GLG1: variants seen among roughly 807,000 people sequenced by gnomAD.
GLG1 encodes the protein golgi glycoprotein 1.
Under a neutral mutation model 160.5 loss-of-function variants are expected in GLG1, and 38 were observed. The observed-to-expected ratio is 0.24, with a 90% CI of 0.18 to 0.31. The LOEUF (loss-of-function observed/expected upper bound fraction) is 0.31. Among genes scored for constraint, GLG1 ranks in the 10% least tolerant of loss-of-function variants. The probability of loss-of-function intolerance (pLI) is 1.00; values close to 1 mark genes in which losing one functional copy is unlikely to be tolerated. For synonymous variants in GLG1, 644 were observed against 543.4 expected, an observed-to-expected ratio of 1.19 and a Z score of -2.57; for missense variants, 1,373 against 1,505.2, an observed-to-expected ratio of 0.91 and a Z score of 1.45.
chr16:74,452,510 C>A lies in GLG1; in HGVS notation c.*657G>T, dbSNP rs1383207184. On this transcript the variant is annotated 3_prime_UTR_variant, in exon 26 of 26. Coordinates refer to ENST00000422840, the MANE Select transcript of GLG1 (RefSeq NM_001145667.2). The stretch of plus-strand genomic sequence containing the variant: ...CCCATGGCTGTGGGGCTGTGACCAG[C>A]AGTGGCTGATTAGGGTGGAAACTGG... The A allele has an allele frequency of 7.8e-6, 8 of 1,022,712 alleles. No individual in the cohort carries two copies. The highest frequency in any genetic ancestry group is 9.4e-6 in the Non-Finnish European group (8 of 851,596). The allele number at this position is 1,022,712 out of a possible 1,614,324, so 63.4% of individuals were successfully genotyped here.
At chr16:74,569,267 A>T (rs1443987685) in intron 1 of GLG1, among the ~76,000 whole-genome samples, 1 of 152,262 alleles carries the variant, frequency 6.6e-6, no homozygotes, top group Non-Finnish European at 1.5e-5. Flanking sequence ...GAGTGGTCAG[A>T]ATTCCCTAGC....
At chr16:74,546,817 G>A (rs1371082316) in intron 1 of GLG1, among the ~76,000 whole-genome samples, 9 of 105,566 alleles carry the variant, frequency 8.5e-5, no homozygotes, top group Admixed American at 5.8e-4. Flanking sequence ...CATCCTGGGC[G>A]ACAGAGTGAG....
chr16:74,588,166 A>T (rs1958094636), intron 1 of GLG1, among the ~76,000 whole-genome samples: 1 of 152,172 alleles, frequency 6.6e-6, no homozygotes, highest in African/African-American at 2.4e-5. Flanking sequence ...TTTAACCTAC[A>T]TAAGATTAGA....
At chr16:74,518,788 A>C (rs923561516) in intron 2 of GLG1, among the ~76,000 whole-genome samples, 11 of 152,326 alleles carry the variant, frequency 7.2e-5, no homozygotes, top group African/African-American at 2.6e-4. Flanking sequence ...ACATTTTTGC[A>C]ATCTATCCAT....
chr16:74,567,425 CA>C (rs1282550191), intron 1 of GLG1, among the ~76,000 whole-genome samples: 1 of 151,996 alleles, frequency 6.6e-6, no homozygotes, highest in Non-Finnish European at 1.5e-5. Flanking sequence ...ATGATAGAAG[CA>C]AATACAAAAC....
intron 1 of GLG1, among the ~76,000 whole-genome samples, chr16:74,556,048 G>A (rs1012066267): frequency 6.6e-6 from 1 of 152,022 alleles, no homozygotes; most frequent in Non-Finnish European, 1.5e-5. Flanking sequence ...TATGTTGCCT[G>A]AGCTAGTCTC....
intron 25 of GLG1, 130 bp from the exon 26 acceptor site, chr16:74,453,464 A>C (rs1204141524): frequency 1.6e-6 from 1 of 624,966 alleles, no homozygotes; most frequent in Non-Finnish European, 2.8e-6. Context: ...GGCAGGAGAT[A>C]AGAAAAATCA....
chr16:74,575,953 C>T (rs886563058), intron 1 of GLG1, among the ~76,000 whole-genome samples: 1 of 152,142 alleles, frequency 6.6e-6, no homozygotes, highest in African/African-American at 2.4e-5. Flanking sequence ...GTAATCCCAG[C>T]ACTTTGGGAG....
intron 1 of GLG1, among the ~76,000 whole-genome samples, chr16:74,585,383 T>C (rs892306062): frequency 6.6e-6 from 1 of 152,130 alleles, no homozygotes; most frequent in East Asian, 1.9e-4. Flanking sequence ...CACTGCAGCC[T>C]GGGCAACAGA....
Position 74,452,117 on chromosome 16 carries a change from G to T in GLG1, c.*1050C>A, listed in dbSNP as rs532723662. Reference sequence around the variant, plus strand: ...TAAACCTTTATAAGCCATTGTCTCTGACCTGTATTGTAGCCTGAAAAATAA... The same window carrying T: ...TAAACCTTTATAAGCCATTGTCTCTTACCTGTATTGTAGCCTGAAAAATAA... On this transcript the variant is annotated 3_prime_UTR_variant, in exon 26 of 26. Coordinates refer to ENST00000422840, the MANE Select transcript of GLG1 (RefSeq NM_001145667.2). 6.2e-7 allele frequency: 1 copy of T among 1,613,942 alleles called. No individual in the cohort carries two copies. The highest frequency in any genetic ancestry group is 8.5e-7 in the Non-Finnish European group (1 of 1,179,874).
intron 1 of GLG1, among the ~76,000 whole-genome samples, chr16:74,591,557 G>T (rs1958185608): frequency 6.6e-6 from 1 of 152,024 alleles, no homozygotes; most frequent in Non-Finnish European, 1.5e-5. Flanking sequence ...GAACCCGGGA[G>T]GCGGAGCTTG....
rs765437522 is a variant in GLG1, at chr16:74,456,706, C to T, written c.3315G>A (p.Gln1105=). 1 of 1,611,878 alleles carries T rather than the reference C, an allele frequency of 6.2e-7. No homozygotes were observed. Among genetic ancestry groups the T allele is most frequent in the Non-Finnish European group, 8.5e-7 (1 of 1,179,078 alleles). Residue 1105 remains glutamine, a synonymous_variant, in exon 25 of 26, where the codon CAG becomes CAA. Coordinates refer to ENST00000422840, the MANE Select transcript of GLG1 (RefSeq NM_001145667.2). ...EALEDKRVRL[Q]PECKKRLNDR... is the part of the protein sequence containing the mutation. ...CATTGAGGCGCTTTTTGCACTCGGG[C>T]TGTAACCTCACCCGCTTATCCTCCA...
intron 6 of GLG1, among the ~76,000 whole-genome samples, chr16:74,494,390 G>C (rs971495428): frequency 5.0e-5 from 7 of 139,364 alleles, no homozygotes; most frequent in African/African-American, 1.8e-4. Flanking sequence ...TTGTTTCAGA[G>C]AAATTGAGAA....
intron 11 of GLG1, among the ~76,000 whole-genome samples, chr16:74,478,636 G>C (rs2015477736): frequency 6.6e-6 from 1 of 152,272 alleles, no homozygotes; most frequent in South Asian, 2.1e-4. Context: ...TTAAGACCAG[G>C]AGCGGTGGCT....
intron 10 of GLG1, among the ~76,000 whole-genome samples, chr16:74,481,119 A>G (rs1258948611): frequency 6.6e-6 from 1 of 152,214 alleles, no homozygotes; most frequent in Non-Finnish European, 1.5e-5. Context: ...CTAAGTAGGA[A>G]TGAAGTTCAA....
At position 74,450,526 on chromosome 16, in the gene GLG1, T is replaced by C. The variant is rs2014247842; in HGVS notation, c.*2641A>G. On this transcript the variant is annotated 3_prime_UTR_variant, in exon 26 of 26. Coordinates refer to ENST00000422840, the MANE Select transcript of GLG1 (RefSeq NM_001145667.2). Reference sequence around the variant, plus strand: ...AAGTAATTGAAGATACTGGCAGAGCTAACTTTTCTATTCTGACCATTTATA... The same window carrying C: ...AAGTAATTGAAGATACTGGCAGAGCCAACTTTTCTATTCTGACCATTTATA... 6.6e-6 allele frequency: 1 copy of C among 152,232 alleles called. No homozygotes were observed. Among genetic ancestry groups the C allele is most frequent in the African/African-American group, 2.4e-5 (1 of 41,458 alleles). The allele number at this position is 152,232 out of a possible 1,614,324, so 9.4% of individuals were successfully genotyped here.
chr16:74,561,242 T>C (rs2143739420), intron 1 of GLG1, among the ~76,000 whole-genome samples: 1 of 152,352 alleles, frequency 6.6e-6, no homozygotes, highest in East Asian at 1.9e-4. Context: ...TATTGGCACC[T>C]AGGCCTGCAC....
intron 1 of GLG1, among the ~76,000 whole-genome samples, chr16:74,591,638 G>A (rs1460579245): frequency 1.3e-5 from 2 of 151,816 alleles, no homozygotes; most frequent in African/African-American, 4.8e-5. Context: ...GAAAAAAAAA[G>A]AAGACTTACA....
Position 74,470,045 on chromosome 16 carries a change from T to A in GLG1, c.2258A>T (p.Tyr753Phe), listed in dbSNP as rs770887358. 8.7e-6 allele frequency: 14 copies of A among 1,609,624 alleles called. No homozygotes were observed. The Admixed American group carries it at 2.2e-4, about 25-fold the overall frequency. Residue 753 changes from tyrosine (Y) to phenylalanine (F), a missense_variant, in exon 16 of 26, where the codon TAC becomes TTC. Tyr to Phe is a conservative substitution (Grantham distance 22). Around this residue, in one of 4 missense-constraint regions of GLG1, gnomAD observed 491 missense variants for 632.1 expected, o/e 0.78. Transcript: ENST00000422840. ...LVQMKDFRFSYKFKMACKEDV... is the reference protein window; with the variant it reads ...LVQMKDFRFSFKFKMACKEDV... ...CTCCTTGCAGGCCATTTTAAACTTG[T>A]AAGAAAACCGAAAATCCTTCATCTG... is the stretch of plus-strand genomic sequence containing the variant.
Sources: gnomAD v4.1 joint callset for allele counts (sites outside exome capture counted in the v4.1 genomes callset) on GRCh38, gnomAD v4.1.1 for gene constraint, gnomAD v4.1.1 regional missense constraint, MANE v1.5 for transcripts, NCBI Gene and HGNC (gene_info 2026-07-23, HGNC 2026-07-21) for gene names.